The following GRWD1 variants were observed in gnomAD, a reference collection of about 807,000 sequenced individuals.
GRWD1 encodes glutamate-rich WD repeat-containing protein 1.
GRWD1 carries 29 observed loss-of-function variants against 45.3 expected under a neutral mutation model. The ratio of observed to expected loss-of-function variants is 0.64; its 90% confidence interval spans 0.48 to 0.87. The LOEUF is 0.87. Ranked by LOEUF, GRWD1 falls within the 40% of genes least tolerant of loss-of-function variation. GRWD1 has a pLI of 0.00. For missense variants in GRWD1, 592 were observed against 618.8 expected, an observed-to-expected ratio of 0.96 and a Z score of 0.46; for synonymous variants, 262 against 257.6, an observed-to-expected ratio of 1.02 and a Z score of -0.16.
intron 6 of GRWD1, among the ~76,000 whole-genome samples, chr19:48,451,718 C>T (rs1971477789): frequency 2.0e-5 from 3 of 152,154 alleles, no homozygotes; most frequent in African/African-American, 4.8e-5. Flanking sequence ...GAAGTTGCAG[C>T]GTCCGGCATC....
rs745437501 is a variant in GRWD1 at position 48,450,995 on chromosome 19, T to TG, written c.826-33dup. The TG allele has an allele frequency of 2.5e-6, 4 of 1,590,992 alleles. No homozygotes were observed. In the Admixed American group the frequency reaches 5.1e-5, roughly 20 times the overall value. On this transcript the variant is annotated intron_variant, in intron 5 of 6. Transcript: ENST00000253237. This position sits in a 1 kb window ranked among gnomAD's most constrained non-coding sequence, Gnocchi z 5.1. ...CTGGCGCTTGGGCTTCACTGCGGGCTGGGGGGCATTGGGACCACTCAGACT... is the reference window on the plus strand; with the variant it reads ...CTGGCGCTTGGGCTTCACTGCGGGCTGGGGGGGCATTGGGACCACTCAGACT...
Position 48,446,477 on chromosome 19 carries a change from C to G in GRWD1, c.280C>G (p.Gln94Glu). 1 of 1,614,134 alleles carries G rather than the reference C, an allele frequency of 6.2e-7. No individual in the cohort carries two copies. Among genetic ancestry groups the G allele is most frequent in the Non-Finnish European group, 8.5e-7 (1 of 1,180,006 alleles). The change falls in exon 2 of 7, where the codon CAG becomes GAG. Residue 94 changes from glutamine to glutamate, a missense_variant. Coordinates refer to ENST00000253237, the MANE Select transcript of GRWD1 (RefSeq NM_031485.4). ...PLTLYLCAGT[Q>E]AESAQSNRLM... ...TACACTTTACTTGTGTGCTGGGACCCAGGCTGAGAGCGCCCAGAGCAACAG... is the reference window on the plus strand; with the variant it reads ...TACACTTTACTTGTGTGCTGGGACCGAGGCTGAGAGCGCCCAGAGCAACAG...
Position 48,447,070 on chromosome 19 carries a change from CATTT to C in GRWD1, c.468+228_468+231del, listed in dbSNP as rs776384900. On this transcript the variant is annotated intron_variant, in intron 3 of 6. Coordinates refer to ENST00000253237, the MANE Select transcript of GRWD1 (RefSeq NM_031485.4). Reference sequence around the variant, plus strand: ...CAAGCGTGAGCCACCGTGCCTGGCCCATTTTTTTTTTTTTTTTTTTTGAGATGGA... The same window carrying C: ...CAAGCGTGAGCCACCGTGCCTGGCCCTTTTTTTTTTTTTTTTTGAGATGGA... Among the ~76,000 whole-genome samples the C allele has an allele frequency of 2.2e-3, 269 of 124,102 alleles. 39 individuals carry two copies. The highest frequency in any genetic ancestry group is 8.5e-3 in the Middle Eastern group (2 of 236). The allele number at this position is 124,102 out of a possible 152,430, so 81.4% of individuals were successfully genotyped here.
In GRWD1 at chr19:48,453,325, C is replaced by G. The variant is rs991993417; in HGVS notation, c.*300C>G. 13 of 306,642 alleles carry G rather than the reference C, an allele frequency of 4.2e-5. No individual in the cohort carries two copies. Among genetic ancestry groups the G allele is most frequent in the Non-Finnish European group, 7.8e-5 (13 of 166,368 alleles). The allele number at this position is 306,642 out of a possible 1,614,324, so 19.0% of individuals were successfully genotyped here. A position where few individuals can be genotyped will look rare whatever the true frequency, so the allele number is the denominator to read the frequency against. On this transcript the variant is annotated 3_prime_UTR_variant, in exon 7 of 7. Coordinates refer to ENST00000253237, the MANE Select transcript of GRWD1 (RefSeq NM_031485.4). ...CAGCTGTGACCCATTTGACCTGTGT[C>G]CCCAGAACCCAGTTTTTTGTTTGTT...
chr19:48,456,304 G>A lies in GRWD1; in HGVS notation c.*3279G>A, dbSNP rs1971539144. On this transcript the variant is annotated 3_prime_UTR_variant, in exon 7 of 7. Coordinates refer to ENST00000253237, the MANE Select transcript of GRWD1 (RefSeq NM_031485.4). ...GCAGGTGTAGATGCTGCATCCTGAT[G>A]TTGACCTCCAGGCCGCCCCCTTGGG... 6.6e-6 allele frequency: 1 copy of A among 152,330 alleles called. No individual in the cohort carries two copies. Among genetic ancestry groups the A allele is most frequent in the Non-Finnish European group, 1.5e-5 (1 of 68,136 alleles). 9.4% of individuals were successfully genotyped at this position (152,330 alleles called of 1,614,324 possible).
chr19:48,450,226 C>T lies in GRWD1; in HGVS notation c.469-87C>T. ...GATCTGAGGAAGCGCACTTCTGGTT[C>T]TCTGGGATATGGGGAGCGTGGGGTC... On this transcript the variant is annotated intron_variant, in intron 3 of 6. Transcript: ENST00000253237. This position sits in a 1 kb window ranked among gnomAD's most constrained non-coding sequence, Gnocchi z 5.1. 4 of 1,045,978 alleles carry T rather than the reference C, an allele frequency of 3.8e-6. No homozygotes were observed. Among genetic ancestry groups the T allele is most frequent in the Non-Finnish European group, 5.7e-6 (4 of 697,792 alleles). 64.8% of individuals were successfully genotyped at this position (1,045,978 alleles called of 1,614,324 possible).
In GRWD1 at chr19:48,451,204, C is replaced by T. The variant is rs1971472688; in HGVS notation, c.996C>T (p.Leu332=). 1 of 1,606,370 alleles carries T rather than the reference C, an allele frequency of 6.2e-7. No individual in the cohort carries two copies. Among genetic ancestry groups the T allele is most frequent in the Non-Finnish European group, 8.5e-7 (1 of 1,174,708 alleles). The change falls in exon 6 of 7, where the codon CTC becomes CTT. Residue 332 remains leucine (L), a synonymous_variant. Transcript: ENST00000253237. ...FLLSGGDDGA[L]KIWDLRQFKS... is the part of the protein sequence containing the mutation. The stretch of plus-strand genomic sequence containing the variant: ...TCAGTGGCGGGGATGATGGGGCCCT[C>T]AAGATCTGGGACCTTCGGCAGTTCA...
At position 48,446,775 on chromosome 19, in the gene GRWD1, G is replaced by A. The variant is rs1175977335; in HGVS notation, c.400G>A (p.Glu134Lys). The part of the protein sequence containing the change: ...EEEEEEDEED[E>K]EERKPQLELA... Reference sequence around the variant, plus strand: ...AGAAGAGGAGGAAGATGAAGAGGATGAAGAAGAGCGGAAACCTCAGCTGGA... The same window carrying A: ...AGAAGAGGAGGAAGATGAAGAGGATAAAGAAGAGCGGAAACCTCAGCTGGA... Residue 134 changes from glutamate (E) to lysine (K), a missense_variant, in exon 3 of 7, where the codon GAA becomes AAA. Glu to Lys is a moderately conservative substitution (Grantham distance 56, BLOSUM62 1). Transcript: ENST00000253237. 6.2e-7 allele frequency: 1 copy of A among 1,614,172 alleles called. No individual in the cohort carries two copies. The highest frequency in any genetic ancestry group is 8.5e-7 in the Non-Finnish European group (1 of 1,180,030).
rs1222132933 is a variant in GRWD1 at position 48,450,591 on chromosome 19, G to A, written c.682+65G>A. 19 of 1,609,446 alleles carry A rather than the reference G, an allele frequency of 1.2e-5. No individual in the cohort carries two copies. The highest frequency in any genetic ancestry group is 4.4e-5 in the South Asian group (4 of 90,984). On this transcript the variant is annotated intron_variant, in intron 4 of 6. Transcript: ENST00000253237. The surrounding 1 kb of genome is among the most constrained non-coding windows in gnomAD (Gnocchi z 5.1). ...GGAGCAGGGTCTGCAACAAGGGGCC[G>A]GGCGCTTAGACTCCAAGGAGGGGAG...
rs187468507 is a variant in GRWD1 at position 48,454,743 on chromosome 19, A to G, written c.*1718A>G. ...GACAGGCTCAGCGCCAGGAGAATCC[A>G]CCCCCAGGTTCAGTGCCTCCAACTC... On this transcript the variant is annotated 3_prime_UTR_variant, in exon 7 of 7. Transcript: ENST00000253237. 6.7e-6 allele frequency: 1 copy of G among 149,330 alleles called. No homozygotes were observed. The highest frequency in any genetic ancestry group is 2.0e-4 in the East Asian group (1 of 4,988). The allele number at this position is 149,330 out of a possible 1,614,324, so 9.3% of individuals were successfully genotyped here.
At chr19:48,446,632 C>G in intron 2 of GRWD1, 49 bp from the exon 3 acceptor site, 1 of 1,552,102 alleles carries the variant, frequency 6.4e-7, no homozygotes, top group Non-Finnish European at 8.7e-7. Context: ...TCTCTCCTTC[C>G]TAAGAATCCT....
In GRWD1 at chr19:48,451,072, C is replaced by G. The variant is rs755684797; in HGVS notation, c.864C>G (p.Ile288Met). ...ASCSADASIR[I>M]WDIRAAPSKA... Reference sequence around the variant, plus strand: ...GCTCAGCTGACGCCTCCATCCGCATCTGGGACATCCGGGCAGCCCCCAGCA... The same window carrying G: ...GCTCAGCTGACGCCTCCATCCGCATGTGGGACATCCGGGCAGCCCCCAGCA... The change falls in exon 6 of 7, where the codon ATC becomes ATG. Residue 288 changes from isoleucine to methionine, a missense_variant. Transcript: ENST00000253237. 1.4e-5 allele frequency: 22 copies of G among 1,614,030 alleles called. No homozygotes were observed. In the East Asian group the frequency reaches 4.9e-4, roughly 36 times the overall value.
In GRWD1 at chr19:48,453,869, T is replaced by C. The variant is rs1489307196; in HGVS notation, c.*844T>C. 2 of 152,102 alleles carry C rather than the reference T, an allele frequency of 1.3e-5. No individual in the cohort carries two copies. The highest frequency in any genetic ancestry group is 1.3e-4 in the Admixed American group (2 of 15,276). 9.4% of individuals were successfully genotyped at this position (152,102 alleles called of 1,614,324 possible). On this transcript the variant is annotated 3_prime_UTR_variant, in exon 7 of 7. Coordinates refer to ENST00000253237, the MANE Select transcript of GRWD1 (RefSeq NM_031485.4). ...GTGTCGGGAGGAAGGTCAGGGCTCC[T>C]GAGCAGCAATAAAGGACCAGGAAGA... is the stretch of plus-strand genomic sequence containing the variant.
In GRWD1 at chr19:48,446,039, G is replaced by C; in HGVS notation, c.34G>C (p.Glu12Gln). ...AARKGRRRTC[E>Q]TGEPMEAESG... ...GCGCAAGGGTCGGCGGCGCACGTGT[G>C]AAACCGGGGAACCCATGGAAGCCGA... Residue 12 changes from glutamate to glutamine, a missense_variant, in exon 1 of 7, where the codon GAA (glutamate) becomes CAA (glutamine). Coordinates refer to ENST00000253237, the MANE Select transcript of GRWD1 (RefSeq NM_031485.4). 6.3e-7 allele frequency: 1 copy of C among 1,596,544 alleles called. No individual in the cohort carries two copies. The highest frequency in any genetic ancestry group is 8.5e-7 in the Non-Finnish European group (1 of 1,172,946).
rs1262469884 is a variant in GRWD1 at position 48,446,840 on chromosome 19, TC to T, written c.466del (p.Arg156GlyfsTer49). 1.2e-5 allele frequency: 19 copies of T among 1,612,404 alleles called. No individual in the cohort carries two copies. The highest frequency in any genetic ancestry group is 1.6e-5 in the Non-Finnish European group (19 of 1,179,610). ...VPHYGGINRV[R>X]VSWLGEEPVA... ...CCCACTATGGTGGCATCAACCGAGT[TC>T]GGGTAAGTATGGTCCCAGGAGCCTG... is the stretch of plus-strand genomic sequence containing the variant. On this transcript the variant is annotated frameshift_variant and splice_region_variant, in exon 3 of 7. Coordinates refer to ENST00000253237, the MANE Select transcript of GRWD1 (RefSeq NM_031485.4). LOFTEE classifies it high-confidence loss of function.
chr19:48,451,376 A>G, intron 6 of GRWD1, 145 bp downstream of exon 6: 2 of 698,990 alleles, frequency 2.9e-6, no homozygotes, highest in Non-Finnish European at 2.3e-6. Context: ...TTCAGGGTAC[A>G]GAGGAGGAAA....
Position 48,453,281 on chromosome 19 carries a change from G to T in GRWD1, c.*256G>T. The T allele has an allele frequency of 2.4e-6, 1 of 424,164 alleles. No individual in the cohort carries two copies. Among genetic ancestry groups the T allele is most frequent in the South Asian group, 5.2e-5 (1 of 19,104 alleles). 26.3% of individuals were successfully genotyped at this position (424,164 alleles called of 1,614,324 possible). A position where few individuals can be genotyped will look rare whatever the true frequency, so the allele number is the denominator to read the frequency against. On this transcript the variant is annotated 3_prime_UTR_variant, in exon 7 of 7. Transcript: ENST00000253237. ...ACTTGTGTGGCCTGGTGTGGCCTGT[G>T]TGTCGGATTCCTTCCTGTCAGCTGT...
rs1039595427 is a variant in GRWD1, at chr19:48,452,396, C to T, written c.1024-312C>T. Among the ~76,000 whole-genome samples the T allele has an allele frequency of 2.0e-5, 3 of 151,680 alleles. No individual in the cohort carries two copies. The highest frequency in any genetic ancestry group is 2.9e-5 in the Non-Finnish European group (2 of 67,908). On this transcript the variant is annotated intron_variant, in intron 6 of 6. Transcript: ENST00000253237. The surrounding 1 kb of genome is among the most constrained non-coding windows in gnomAD (Gnocchi z 5.1). Reference sequence around the variant, plus strand: ...TACAGTCGTGAGCCACCGCACCCAGCCCATGCCCTCCTTTTACAAGGAAGA... The same window carrying T: ...TACAGTCGTGAGCCACCGCACCCAGTCCATGCCCTCCTTTTACAAGGAAGA...
rs909988883 is a variant in GRWD1 at position 48,455,674 on chromosome 19, G to A, written c.*2649G>A. On this transcript the variant is annotated 3_prime_UTR_variant, in exon 7 of 7. Coordinates refer to ENST00000253237, the MANE Select transcript of GRWD1 (RefSeq NM_031485.4). The stretch of plus-strand genomic sequence containing the variant: ...GAAGTAGACAACGGGTCTGCCTCAC[G>A]GGGCTGAGGTGGGACTGGAGGATTT... 3.9e-5 allele frequency: 6 copies of A among 152,360 alleles called. No individual in the cohort carries two copies. Among genetic ancestry groups the A allele is most frequent in the East Asian group, 3.9e-4 (2 of 5,176 alleles). The allele number at this position is 152,360 out of a possible 1,614,324, so 9.4% of individuals were successfully genotyped here.
Sources: allele counts gnomAD v4.1 joint callset (sites outside exome capture counted in the v4.1 genomes callset), GRCh38; gene constraint gnomAD v4.1.1; non-coding constraint Gnocchi (gnomAD v3.1); transcripts MANE v1.5; gene names NCBI Gene and HGNC (gene_info 2026-07-23, HGNC 2026-07-21).